The following FAM227B variants were observed in gnomAD, a reference collection of about 807,000 sequenced individuals.
The protein encoded by FAM227B is family with sequence similarity 227 member B, also known as protein FAM227B.
Under a neutral mutation model 73.8 loss-of-function variants are expected in FAM227B, and 88 were observed. That is an observed-to-expected ratio of 1.19 (90% CI 1.00 to 1.42). The LOEUF is 1.42. Among genes scored for constraint, FAM227B ranks in the 40% most tolerant of loss-of-function variants. The pLI, the probability that FAM227B is intolerant of heterozygous loss-of-function variation, is 0.00. For missense variants in FAM227B, 632 were observed against 590.9 expected (o/e 1.07, Z -0.72); for synonymous variants, 210 against 190.5 (o/e 1.10, Z -0.84).
At chr15:49,368,981 A>T (rs938483296) in intron 12 of FAM227B, among the ~76,000 whole-genome samples, 1 of 151,776 alleles carries the variant, frequency 6.6e-6, no homozygotes, top group Non-Finnish European at 1.5e-5. Flanking sequence ...GTTTGTTTTT[A>T]TTTTTTTGAG....
chr15:49,334,775 G>A, intron 14 of FAM227B, among the ~76,000 whole-genome samples: 1 of 152,044 alleles, frequency 6.6e-6, no homozygotes, highest in Non-Finnish European at 1.5e-5. Context: ...CAAAAGGGAG[G>A]ATCATCCTTT....
At position 49,367,394 on chromosome 15, in the gene FAM227B, T is replaced by C. The variant is rs2045389876; in HGVS notation, c.1271+54A>G. 3.5e-6 allele frequency: 5 copies of C among 1,424,124 alleles called. No homozygotes were observed. In the Admixed American group the frequency reaches 1.3e-4, roughly 37 times the overall value. The allele number at this position is 1,424,124 out of a possible 1,614,324, so 88.2% of individuals were successfully genotyped here. ...CAATTGAGACATTCAGTGAAATGTTTTGAATATTATTTTTGAAAGAAATTA... is the reference window on the plus strand; with the variant it reads ...CAATTGAGACATTCAGTGAAATGTTCTGAATATTATTTTTGAAAGAAATTA... On this transcript the variant is annotated intron_variant, in intron 13 of 15. Coordinates refer to ENST00000299338, the MANE Select transcript of FAM227B (RefSeq NM_152647.3).
intron 9 of FAM227B, among the ~76,000 whole-genome samples, chr15:49,563,128 A>G (rs1201862936): frequency 6.6e-6 from 1 of 152,220 alleles, no homozygotes; most frequent in Admixed American, 6.5e-5. Flanking sequence ...TGTAAGACTG[A>G]TAAACAACTC....
intron 9 of FAM227B, among the ~76,000 whole-genome samples, chr15:49,563,440 C>T (rs951893841): frequency 1.3e-5 from 2 of 152,086 alleles, no homozygotes; most frequent in Non-Finnish European, 2.9e-5. Flanking sequence ...AAATTTAATG[C>T]TATTCCTATC....
intron 9 of FAM227B, among the ~76,000 whole-genome samples, chr15:49,560,601 T>C (rs2074169220): frequency 6.6e-6 from 1 of 152,120 alleles, no homozygotes; most frequent in Non-Finnish European, 1.5e-5. Context: ...TCAATGCTAA[T>C]AAAAGTATCT....
chr15:49,569,914 G>A (rs1486958006), intron 8 of FAM227B, among the ~76,000 whole-genome samples: 1 of 151,914 alleles, frequency 6.6e-6, no homozygotes, highest in Non-Finnish European at 1.5e-5. Flanking sequence ...TTAGCAAAAT[G>A]TTCTCCAGGT....
At chr15:49,445,185 G>A (rs1207464338) in intron 11 of FAM227B, among the ~76,000 whole-genome samples, 1 of 151,542 alleles carries the variant, frequency 6.6e-6, no homozygotes, top group African/African-American at 2.4e-5. Context: ...TATATTGTGT[G>A]ATGCTAAAGT....
At chr15:49,584,896 G>C (rs1041158322) in intron 5 of FAM227B, among the ~76,000 whole-genome samples, 2 of 152,026 alleles carry the variant, frequency 1.3e-5, no homozygotes, top group African/African-American at 4.8e-5. Context: ...CCATCAGAGT[G>C]AACAGGCAAC....
chr15:49,392,550 CAATGAACAG>C (rs1271616922), intron 11 of FAM227B, among the ~76,000 whole-genome samples: 1 of 152,106 alleles, frequency 6.6e-6, no homozygotes, highest in African/African-American at 2.4e-5. Flanking sequence ...CAAGGCAAGA[CAATGAACAG>C]ACCACCCTGA....
At chr15:49,455,637 C>A (rs901632235) in intron 11 of FAM227B, among the ~76,000 whole-genome samples, 1 of 151,156 alleles carries the variant, frequency 6.6e-6, no homozygotes, top group Non-Finnish European at 1.5e-5. Flanking sequence ...AATTTTTAAT[C>A]TAATGTCCTA....
chr15:49,428,697 A>G (rs2050335526), intron 11 of FAM227B, among the ~76,000 whole-genome samples: 1 of 151,994 alleles, frequency 6.6e-6, no homozygotes, highest in Admixed American at 6.6e-5. Flanking sequence ...TGCTTTTGGT[A>G]TCCAATTACT....
chr15:49,432,785 T>C (rs186075998), intron 11 of FAM227B, among the ~76,000 whole-genome samples: 10 of 151,730 alleles, frequency 6.6e-5, no homozygotes, highest in African/African-American at 1.9e-4. Context: ...ATCCAGGGAT[T>C]TGCAGTGGGA....
rs908839421 is a variant in FAM227B, at chr15:49,441,270, A to G, written c.1012+66941T>C. 3.3e-5 allele frequency among the ~76,000 whole-genome samples: 5 copies of G among 151,864 alleles called. No individual in the cohort carries two copies. In the East Asian group the frequency reaches 9.7e-4, roughly 30 times the overall value. On this transcript the variant is annotated intron_variant, in intron 11 of 15. Transcript: ENST00000299338. ...CTTAGATTTTCAAATTAAACACTCA[A>G]TTCATACTTATTTAGCATCAATTTA...
chr15:49,618,698 C>T (rs560730046), intron 1 of FAM227B, among the ~76,000 whole-genome samples: 15 of 152,308 alleles, frequency 9.8e-5, no homozygotes, highest in Admixed American at 6.5e-4. Flanking sequence ...ACCTTTATCA[C>T]TGCCTTCCAC....
intron 11 of FAM227B, among the ~76,000 whole-genome samples, chr15:49,385,784 C>T (rs897870015): frequency 6.6e-6 from 1 of 151,728 alleles, no homozygotes; most frequent in Non-Finnish European, 1.5e-5. Context: ...TTCAAATAAA[C>T]TCAAGGTAAA....
chr15:49,545,514 T>C (rs141051511), intron 9 of FAM227B, among the ~76,000 whole-genome samples: 126 of 152,346 alleles, frequency 8.3e-4, no homozygotes, highest in Non-Finnish European at 5.7e-4. Context: ...ATCTTTGTTG[T>C]TGATTTTCTT....
In FAM227B at chr15:49,530,773, C is replaced by T. The variant is rs544200622; in HGVS notation, c.874+10907G>A. On this transcript the variant is annotated intron_variant, in intron 10 of 15. Transcript: ENST00000299338. ...ATGTTAGACAAAAAAGAATATTTCCCTTATTTGTAAACTCATTTGAGTTTT... is the reference window on the plus strand; with the variant it reads ...ATGTTAGACAAAAAAGAATATTTCCTTTATTTGTAAACTCATTTGAGTTTT... 1.4e-3 allele frequency among the ~76,000 whole-genome samples: 210 copies of T among 151,708 alleles called. 7 individuals are homozygous for T. The South Asian group carries it at 0.043, about 31-fold the overall frequency.
At chr15:49,529,902 T>C (rs534599203) in intron 10 of FAM227B, among the ~76,000 whole-genome samples, 3 of 151,898 alleles carry the variant, frequency 2.0e-5, no homozygotes, top group Admixed American at 2.0e-4. Context: ...CTCAGCATAA[T>C]TCTTTAGAGA....
chr15:49,528,932 A>C (rs770331934), intron 10 of FAM227B, among the ~76,000 whole-genome samples: 12 of 151,968 alleles, frequency 7.9e-5, no homozygotes, highest in Non-Finnish European at 1.6e-4. Flanking sequence ...TCAAAGAATT[A>C]AAAATAAAAC....
Sources: gnomAD v4.1 joint callset for allele counts (sites outside exome capture counted in the v4.1 genomes callset) on GRCh38, gnomAD v4.1.1 for gene constraint, MANE v1.5 for transcripts, NCBI Gene and HGNC (gene_info 2026-07-23, HGNC 2026-07-21) for gene names.